The following LRBA variants were observed in gnomAD, a reference collection of about 807,000 sequenced individuals.
The protein encoded by LRBA is lipopolysaccharide-responsive and beige-like anchor protein.
In LRBA, 176 loss-of-function variants were observed where a neutral mutation model predicts 330.0. The ratio of observed to expected loss-of-function variants is 0.53; its 90% confidence interval spans 0.47 to 0.60. The LOEUF (loss-of-function observed/expected upper bound fraction) is 0.60. Among genes scored for constraint, LRBA ranks in the 20% least tolerant of loss-of-function variants. The pLI is 0.00. For missense variants in LRBA, 3,259 were observed against 3,444.8 expected (o/e 0.95, Z 1.35); for synonymous variants, 1,230 against 1,193.0 (o/e 1.03, Z -0.64).
At chr4:150,903,276 T>C (rs1487490085) in intron 13 of LRBA, among the ~76,000 whole-genome samples, 2 of 152,086 alleles carry the variant, frequency 1.3e-5, no homozygotes, top group East Asian at 3.9e-4. Context: ...TATCAGCTAC[T>C]CAGGAGGCTG....
intron 37 of LRBA, among the ~76,000 whole-genome samples, chr4:150,599,689 TAATAA>T (rs1773912418): frequency 6.6e-6 from 1 of 152,216 alleles, no homozygotes; most frequent in Non-Finnish European, 1.5e-5. Context: ...ATGTATGTGA[TAATAA>T]AATATTACTC....
chr4:150,628,494 A>G (rs185054856), intron 37 of LRBA, among the ~76,000 whole-genome samples: 11 of 152,330 alleles, frequency 7.2e-5, no homozygotes, highest in African/African-American at 2.6e-4. Flanking sequence ...TGTATATGTT[A>G]TACCAACGAT....
chr4:150,540,343 C>T (rs1004606005), intron 40 of LRBA, among the ~76,000 whole-genome samples: 1 of 152,106 alleles, frequency 6.6e-6, no homozygotes, highest in Non-Finnish European at 1.5e-5. Context: ...TACAGATGTG[C>T]GTCACCACAC....
At chr4:150,899,509 T>A (rs1429762456) in intron 14 of LRBA, among the ~76,000 whole-genome samples, 3 of 152,196 alleles carry the variant, frequency 2.0e-5, no homozygotes, top group African/African-American at 7.2e-5. Flanking sequence ...AGAGCCACTA[T>A]ATGTCAAAAG....
chr4:150,533,517 C>A (rs899199818), intron 40 of LRBA, among the ~76,000 whole-genome samples: 11 of 152,034 alleles, frequency 7.2e-5, no homozygotes, highest in South Asian at 6.3e-4. Context: ...ATATATATAT[C>A]TATTTGCTTA....
At chr4:151,009,060 TCTTA>T (rs2149671525) in intron 2 of LRBA, among the ~76,000 whole-genome samples, 1 of 132,266 alleles carries the variant, frequency 7.6e-6, no homozygotes, top group African/African-American at 2.9e-5. Flanking sequence ...ACAGACAAGG[TCTTA>T]CTATGTTGCA....
intron 34 of LRBA, among the ~76,000 whole-genome samples, chr4:150,763,874 C>T (rs1161834066): frequency 6.6e-6 from 1 of 151,922 alleles, no homozygotes; most frequent in Non-Finnish European, 1.5e-5. Context: ...ATGAAGAGAA[C>T]ATAACCATGA....
At chr4:150,394,823 G>A (rs1744491123) in intron 47 of LRBA, among the ~76,000 whole-genome samples, 1 of 152,158 alleles carries the variant, frequency 6.6e-6, no homozygotes, top group Non-Finnish European at 1.5e-5. Flanking sequence ...GAGGTGTCAT[G>A]GTGAGATGGT....
chr4:150,467,750 A>G lies in LRBA; in HGVS notation c.6703T>C (p.Phe2235Leu). Residue 2235 changes from phenylalanine to leucine, a missense_variant, in exon 44 of 57, where the codon TTT becomes CTT. Physicochemically the swap from Phe to Leu is conservative, Grantham distance 22. Transcript: ENST00000651943. ...SYNDLNQYPV[F>L]PWVITNYESE... is the part of the protein sequence containing the mutation. ...TCATAATTAGTGATGACCCAAGGAAACACTGGATACTGATTTAAGTCATTA... is the reference window on the plus strand; with the variant it reads ...TCATAATTAGTGATGACCCAAGGAAGCACTGGATACTGATTTAAGTCATTA... The G allele has an allele frequency of 1.2e-6, 2 of 1,600,052 alleles. No individual in the cohort carries two copies. Among genetic ancestry groups the G allele is most frequent in the Non-Finnish European group, 1.7e-6 (2 of 1,169,358 alleles).
At chr4:150,443,412 G>A (rs1011444415) in intron 44 of LRBA, among the ~76,000 whole-genome samples, 9 of 151,980 alleles carry the variant, frequency 5.9e-5, no homozygotes, top group East Asian at 1.9e-4. Flanking sequence ...CATTTACTGC[G>A]GCACTACTCA....
At chr4:150,885,079 A>C (rs1389325916) in intron 17 of LRBA, among the ~76,000 whole-genome samples, 1 of 152,044 alleles carries the variant, frequency 6.6e-6, no homozygotes, top group Non-Finnish European at 1.5e-5. Flanking sequence ...TGTGAATTCA[A>C]AGATAAATCA....
intron 5 of LRBA, among the ~76,000 whole-genome samples, chr4:150,917,187 T>C (rs1732729073): frequency 6.6e-6 from 1 of 151,826 alleles, no homozygotes; most frequent in Non-Finnish European, 1.5e-5. Flanking sequence ...GAAAGAAGAC[T>C]CTTTATCTGG....
At position 150,321,450 on chromosome 4, in the gene LRBA, A is replaced by T; in HGVS notation, c.7453-82T>A. The T allele has an allele frequency of 8.3e-7, 1 of 1,204,190 alleles. No homozygotes were observed. The highest frequency in any genetic ancestry group is 1.1e-6 in the Non-Finnish European group (1 of 875,150). The allele number at this position is 1,204,190 out of a possible 1,614,324, so 74.6% of individuals were successfully genotyped here. A position where few individuals can be genotyped will look rare whatever the true frequency, so the allele number is the denominator to read the frequency against. On this transcript the variant is annotated intron_variant, in intron 49 of 56. Coordinates refer to ENST00000651943, the MANE Select transcript of LRBA (RefSeq NM_001364905.1). This position sits in a 1 kb window ranked among gnomAD's most constrained non-coding sequence, Gnocchi z 4.5. ...AAAGATGAAGAAAGACAAGAAAGAGAGGGGGTGCAGGAAAAGAAGAGGAAG... is the reference window on the plus strand; with the variant it reads ...AAAGATGAAGAAAGACAAGAAAGAGTGGGGGTGCAGGAAAAGAAGAGGAAG...
chr4:150,567,964 C>T (rs1296320244), intron 40 of LRBA, among the ~76,000 whole-genome samples: 3 of 151,966 alleles, frequency 2.0e-5, no homozygotes, highest in Admixed American at 6.6e-5. Flanking sequence ...ACAAAAACAA[C>T]GATATATTAG....
intron 28 of LRBA, among the ~76,000 whole-genome samples, chr4:150,837,330 G>A (rs969406675): frequency 1.3e-5 from 2 of 152,154 alleles, no homozygotes; most frequent in Admixed American, 6.6e-5. Flanking sequence ...GCAGAGCTGA[G>A]TTCAATTCCT....
intron 42 of LRBA, among the ~76,000 whole-genome samples, chr4:150,484,564 T>A (rs1199164128): frequency 6.6e-6 from 1 of 151,910 alleles, no homozygotes; most frequent in Non-Finnish European, 1.5e-5. Context: ...TTACTATTAA[T>A]ACATTTATTA....
At chr4:150,454,098 T>C (rs1212352254) in intron 44 of LRBA, among the ~76,000 whole-genome samples, 1 of 152,082 alleles carries the variant, frequency 6.6e-6, no homozygotes, top group African/African-American at 2.4e-5. Flanking sequence ...GTAGCTGGGA[T>C]TACAGGCACG....
intron 8 of LRBA, 65 bp from the exon 9 acceptor site, chr4:150,914,406 C>G (rs111439752): frequency 8.8e-7 from 1 of 1,130,862 alleles, no homozygotes; most frequent in African/African-American, 1.6e-5. Flanking sequence ...TAATAAAAAC[C>G]TATATTATCA....
Position 150,844,654 on chromosome 4 carries a change from T to G in LRBA, c.4461+4A>C, listed in dbSNP as rs767143215. The G allele has an allele frequency of 6.2e-7, 1 of 1,609,374 alleles. No homozygotes were observed. Among genetic ancestry groups the G allele is most frequent in the South Asian group, 1.1e-5 (1 of 90,108 alleles). On this transcript the variant is annotated splice_donor_region_variant and intron_variant, in intron 27 of 56. Transcript: ENST00000651943. ...TTTGAAAATTAATTAATCTGTATAC[T>G]TACCTTCGCTGCAGATTTCCCTAAA...
Sources: gnomAD v4.1 joint callset for allele counts (sites outside exome capture counted in the v4.1 genomes callset) on GRCh38, gnomAD v4.1.1 for gene constraint, Gnocchi (gnomAD v3.1) non-coding constraint, MANE v1.5 for transcripts, NCBI Gene and HGNC (gene_info 2026-07-23, HGNC 2026-07-21) for gene names.